The following DOCK2 variants were observed in gnomAD, a reference collection of about 807,000 sequenced individuals.
DOCK2 encodes dedicator of cytokinesis 2.
Under a neutral mutation model 248.9 loss-of-function variants are expected in DOCK2, and 87 were observed. The observed-to-expected ratio is 0.35, with a 90% CI of 0.29 to 0.42. The LOEUF is 0.42. Ranked by LOEUF, DOCK2 falls within the 10% of genes least tolerant of loss-of-function variation. DOCK2 has a pLI of 1.00. For synonymous variants in DOCK2, 805 were observed against 821.6 expected (o/e 0.98, Z 0.35); for missense variants, 1,747 against 2,300.2 (o/e 0.76, Z 4.92).
chr5:170,069,517 T>C (rs998117351), intron 46 of DOCK2, among the ~76,000 whole-genome samples: 1 of 152,122 alleles, frequency 6.6e-6, no homozygotes, highest in African/African-American at 2.4e-5. Flanking sequence ...CACAGCGGGA[T>C]GCAAATAAAC....
In DOCK2 at chr5:169,995,185, C is replaced by A. The variant is rs185265882; in HGVS notation, c.2994-901C>A. ...CTGGGATTACTGGCGTGCACCACAA[C>A]GCCCGGCTAATTTTTGTATTTTTAG... On this transcript the variant is annotated intron_variant, in intron 29 of 51. Transcript: ENST00000520908. 1.7e-4 allele frequency among the ~76,000 whole-genome samples: 26 copies of A among 152,048 alleles called. 1 individual carries two copies. The East Asian group carries it at 4.8e-3, about 28-fold the overall frequency.
At chr5:169,637,494 C>A (rs1581353518) in intron 1 of DOCK2, 125 bp downstream of exon 1, 2 of 1,113,512 alleles carry the variant, frequency 1.8e-6, no homozygotes, top group African/African-American at 1.6e-5. Context: ...TCAGAGGGCG[C>A]AGCCTGCGGC....
intron 27 of DOCK2, among the ~76,000 whole-genome samples, chr5:169,943,969 A>T (rs1252815234): frequency 6.6e-6 from 1 of 152,184 alleles, no homozygotes; most frequent in African/African-American, 2.4e-5. Context: ...TGTCTCTGTA[A>T]AGTGGTAAGA....
chr5:169,685,215 G>A (rs556033104), intron 8 of DOCK2, among the ~76,000 whole-genome samples: 1 of 152,338 alleles, frequency 6.6e-6, no homozygotes, highest in East Asian at 1.9e-4. Flanking sequence ...CATGTTGCCT[G>A]TACTGCAAGG....
At chr5:169,699,262 T>C in intron 11 of DOCK2, 120 bp from the exon 12 acceptor site, 5 of 847,118 alleles carry the variant, frequency 5.9e-6, no homozygotes, top group Non-Finnish European at 9.1e-6. Flanking sequence ...TACCCTGGGC[T>C]GACATATGCA....
At chr5:169,929,375 G>A (rs1196121609) in intron 27 of DOCK2, among the ~76,000 whole-genome samples, 5 of 152,058 alleles carry the variant, frequency 3.3e-5, no homozygotes, top group Non-Finnish European at 7.4e-5. Context: ...TTTCCACAAA[G>A]CGAATCCCGG....
At chr5:169,777,338 G>C (rs1029949287) in intron 25 of DOCK2, among the ~76,000 whole-genome samples, 1 of 152,180 alleles carries the variant, frequency 6.6e-6, no homozygotes, top group African/African-American at 2.4e-5. Context: ...GTCTGTGTGT[G>C]GACGTTCCCT....
At chr5:169,672,005 T>C (rs183805158) in intron 5 of DOCK2, among the ~76,000 whole-genome samples, 1 of 152,126 alleles carries the variant, frequency 6.6e-6, no homozygotes, top group Non-Finnish European at 1.5e-5. Context: ...CTTTTTTTTT[T>C]ATTTATTTTT....
intron 25 of DOCK2, among the ~76,000 whole-genome samples, chr5:169,770,344 G>A (rs967419530): frequency 1.5e-5 from 2 of 134,968 alleles, no homozygotes; most frequent in East Asian, 2.2e-4. Flanking sequence ...CACCTAGGCT[G>A]AAGCACAGTG....
intron 6 of DOCK2, among the ~76,000 whole-genome samples, chr5:169,677,271 C>A (rs947237725): frequency 6.6e-6 from 1 of 152,176 alleles, no homozygotes; most frequent in Non-Finnish European, 1.5e-5. Flanking sequence ...ATTATCAGAC[C>A]CTTCCTAACT....
intron 14 of DOCK2, among the ~76,000 whole-genome samples, chr5:169,704,822 C>T (rs1441317356): frequency 1.3e-5 from 2 of 150,060 alleles, no homozygotes; most frequent in African/African-American, 4.9e-5. Context: ...TATGCACACA[C>T]TATGTGCCCA....
chr5:169,977,333 G>A (rs1777751343), intron 27 of DOCK2, among the ~76,000 whole-genome samples: 1 of 152,128 alleles, frequency 6.6e-6, no homozygotes, highest in Non-Finnish European at 1.5e-5. Flanking sequence ...ACGGGTAGGC[G>A]GAGTCATCAT....
chr5:170,011,481 T>C (rs575720288), intron 32 of DOCK2, among the ~76,000 whole-genome samples: 80 of 72,806 alleles, frequency 1.1e-3, no homozygotes, highest in African/African-American at 5.8e-3. Flanking sequence ...GGGTTGAGGG[T>C]TGGTTGCAAA....
rs866361065 is a variant in DOCK2, at chr5:169,983,300, C to G, written c.2898+134C>G. 18 of 953,032 alleles carry G rather than the reference C, an allele frequency of 1.9e-5. No individual in the cohort carries two copies. The Middle Eastern group carries it at 3.8e-3, about 203-fold the overall frequency. The allele number at this position is 953,032 out of a possible 1,614,324, so 59.0% of individuals were successfully genotyped here. On this transcript the variant is annotated intron_variant, in intron 28 of 51. Transcript: ENST00000520908. ...TTAACCAATATTTGTTGATGAATCA[C>G]AGACATTTTGGGGTTTAAGAGCATG...
At chr5:170,013,793 C>G (rs1025041010) in intron 32 of DOCK2, among the ~76,000 whole-genome samples, 27 of 152,232 alleles carry the variant, frequency 1.8e-4, no homozygotes, top group African/African-American at 6.3e-4. Flanking sequence ...CTGTAGGAAA[C>G]TAACACACAC....
chr5:169,913,030 T>A (rs1234038831), intron 27 of DOCK2, among the ~76,000 whole-genome samples: 4 of 152,210 alleles, frequency 2.6e-5, no homozygotes, highest in Admixed American at 1.3e-4. Context: ...TGTAGTGCCT[T>A]CTCCACACTC....
intron 27 of DOCK2, 142 bp from the exon 28 acceptor site, chr5:169,982,925 CA>C (rs2113785303): frequency 1.4e-6 from 1 of 721,202 alleles, no homozygotes; most frequent in African/African-American, 1.8e-5. Flanking sequence ...TTATGTTCGG[CA>C]CTGCTATTAC....
intron 25 of DOCK2, among the ~76,000 whole-genome samples, chr5:169,766,830 C>A (rs748572488): frequency 6.6e-6 from 1 of 152,118 alleles, no homozygotes; most frequent in Non-Finnish European, 1.5e-5. Flanking sequence ...TGCAATGGTG[C>A]GGTCTCAGCT....
intron 27 of DOCK2, among the ~76,000 whole-genome samples, chr5:169,873,878 T>C (rs1772139465): frequency 6.6e-6 from 1 of 152,100 alleles, no homozygotes; most frequent in South Asian, 2.1e-4. Context: ...CTCTCCTCAG[T>C]GATGTGAAGC....
Sources: allele counts gnomAD v4.1 joint callset (sites outside exome capture counted in the v4.1 genomes callset), GRCh38; gene constraint gnomAD v4.1.1; transcripts MANE v1.5; gene names NCBI Gene and HGNC (gene_info 2026-07-23, HGNC 2026-07-21).